The following GRIK2 variants were observed in gnomAD, a reference collection of about 807,000 sequenced individuals.
GRIK2 encodes the protein glutamate ionotropic receptor kainate type subunit 2.
Under a neutral mutation model 100.3 loss-of-function variants are expected in GRIK2, and 32 were observed. The observed-to-expected ratio is 0.32, with a 90% confidence interval of 0.24 to 0.43. GRIK2 has a LOEUF of 0.43. GRIK2 is among the 20% of genes least tolerant of loss of function. The pLI is 1.00. For missense variants in GRIK2, 843 were observed against 1,114.9 expected (o/e 0.76, Z 3.47); for synonymous variants, 417 against 389.4 (o/e 1.07, Z -0.83).
chr6:101,852,796 T>C (rs745428970), intron 10 of GRIK2, among the ~76,000 whole-genome samples: 27 of 152,170 alleles, frequency 1.8e-4, no homozygotes, highest in Non-Finnish European at 5.9e-5. Context: ...CTTTCTAATA[T>C]AACAAGGGCA....
intron 2 of GRIK2, among the ~76,000 whole-genome samples, chr6:101,545,260 C>T (rs1776177911): frequency 6.6e-6 from 1 of 152,226 alleles, no homozygotes; most frequent in Admixed American, 6.5e-5. Flanking sequence ...CTGTTATCTA[C>T]CTCCGAGGTG....
At chr6:101,717,384 C>T (rs999426923) in intron 7 of GRIK2, among the ~76,000 whole-genome samples, 2 of 151,684 alleles carry the variant, frequency 1.3e-5, no homozygotes, top group Non-Finnish European at 2.9e-5. Context: ...TCTCAGACAT[C>T]GGTGTTAACG....
chr6:101,899,548 C>T (rs947000741), intron 12 of GRIK2, among the ~76,000 whole-genome samples: 12 of 151,910 alleles, frequency 7.9e-5, no homozygotes, highest in East Asian at 3.9e-4. Flanking sequence ...TCTCTTTCCC[C>T]GCCTGGATAT....
chr6:101,997,233 G>A (rs368958918), intron 14 of GRIK2, among the ~76,000 whole-genome samples: 2 of 151,976 alleles, frequency 1.3e-5, no homozygotes, highest in Non-Finnish European at 1.5e-5. Context: ...ATTAGTCTAT[G>A]CAAGGTCTTT....
chr6:101,996,316 T>C (rs556901310), intron 14 of GRIK2, among the ~76,000 whole-genome samples: 1 of 152,216 alleles, frequency 6.6e-6, no homozygotes, highest in South Asian at 2.1e-4. Context: ...TAGGGATAAA[T>C]GCTTGACAAC....
At chr6:101,698,990 C>T (rs1292934708) in intron 7 of GRIK2, among the ~76,000 whole-genome samples, 1 of 152,110 alleles carries the variant, frequency 6.6e-6, no homozygotes, top group Non-Finnish European at 1.5e-5. Flanking sequence ...TTCTACATTC[C>T]TGTGATAAGT....
intron 2 of GRIK2, among the ~76,000 whole-genome samples, chr6:101,524,592 C>A (rs900585336): frequency 6.6e-6 from 1 of 152,024 alleles, no homozygotes; most frequent in African/African-American, 2.4e-5. Flanking sequence ...TAGTGTGATG[C>A]CCAAATAGTA....
intron 2 of GRIK2, among the ~76,000 whole-genome samples, chr6:101,563,478 C>A (rs1214546044): frequency 6.6e-6 from 1 of 152,140 alleles, no homozygotes; most frequent in Non-Finnish European, 1.5e-5. Flanking sequence ...AATTTAACTT[C>A]AGCTGGATGC....
intron 7 of GRIK2, among the ~76,000 whole-genome samples, chr6:101,697,517 T>G (rs897449395): frequency 1.1e-4 from 17 of 152,000 alleles, no homozygotes; most frequent in African/African-American, 3.6e-4. Context: ...TAACAGATAT[T>G]TAAGTCTAGG....
intron 14 of GRIK2, among the ~76,000 whole-genome samples, chr6:102,013,385 A>G (rs1481505736): frequency 1.3e-5 from 2 of 152,114 alleles, no homozygotes; most frequent in African/African-American, 4.8e-5. Flanking sequence ...ACAAACAGGG[A>G]TACTTTTAAT....
chr6:101,776,772 T>C (rs527761241), intron 7 of GRIK2, among the ~76,000 whole-genome samples: 1 of 152,326 alleles, frequency 6.6e-6, no homozygotes, highest in African/African-American at 2.4e-5. Context: ...TGTAGCGTCA[T>C]GTACATAACA....
At chr6:101,505,629 C>A (rs1234610028) in intron 2 of GRIK2, among the ~76,000 whole-genome samples, 1 of 151,818 alleles carries the variant, frequency 6.6e-6, no homozygotes, top group African/African-American at 2.4e-5. Flanking sequence ...TGACAAAGTC[C>A]CAAAGGTGTA....
At chr6:101,600,105 T>C (rs984073709) in intron 2 of GRIK2, among the ~76,000 whole-genome samples, 1 of 151,570 alleles carries the variant, frequency 6.6e-6, no homozygotes, top group African/African-American at 2.4e-5. Flanking sequence ...AATCTAGTTT[T>C]ATTCTTCATA....
intron 7 of GRIK2, among the ~76,000 whole-genome samples, chr6:101,760,726 T>TATATAATTATATATTTAATTATATATAA (rs1562364928): frequency 1.3e-5 from 1 of 77,048 alleles, no homozygotes; most frequent in African/African-American, 8.6e-5. Flanking sequence ...TTATATTTAA[T>TATATAATTATATATTTAATTATATATAA]TATATAATTA....
chr6:101,484,021 T>A (rs113042373), intron 2 of GRIK2, among the ~76,000 whole-genome samples: 1 of 152,240 alleles, frequency 6.6e-6, no homozygotes, highest in Non-Finnish European at 1.5e-5. Context: ...TTTCTAAGCA[T>A]ATGGAAATAT....
chr6:101,909,300 G>A (rs1221482576), intron 12 of GRIK2, among the ~76,000 whole-genome samples: 1 of 146,968 alleles, frequency 6.8e-6, no homozygotes, highest in Non-Finnish European at 1.5e-5. Context: ...GAACAGGAAG[G>A]AATAATTTAA....
At chr6:101,980,073 G>T (rs1246120192) in intron 14 of GRIK2, among the ~76,000 whole-genome samples, 1 of 151,910 alleles carries the variant, frequency 6.6e-6, no homozygotes, top group Non-Finnish European at 1.5e-5. Flanking sequence ...AAAGGATGCT[G>T]GTGAGCGGGT....
chr6:101,560,503 A>T (rs2128295391), intron 2 of GRIK2, among the ~76,000 whole-genome samples: 1 of 152,212 alleles, frequency 6.6e-6, no homozygotes, highest in South Asian at 2.1e-4. Flanking sequence ...TATTTATTCC[A>T]GTCTTGCCAT....
intron 4 of GRIK2, among the ~76,000 whole-genome samples, chr6:101,652,014 TG>T (rs765980842): frequency 6.6e-6 from 1 of 152,124 alleles, no homozygotes; most frequent in Non-Finnish European, 1.5e-5. Flanking sequence ...ATAATACTGC[TG>T]GTATGTCATG....
Sources: gnomAD v4.1 joint callset for allele counts (sites outside exome capture counted in the v4.1 genomes callset) on GRCh38, gnomAD v4.1.1 for gene constraint, MANE v1.5 for transcripts, NCBI Gene and HGNC (gene_info 2026-07-23, HGNC 2026-07-21) for gene names.